Variants in RANBP2 observed in about 807,000 individuals in gnomAD.
RANBP2 encodes RAN binding protein 2, also known as E3 SUMO-protein ligase RanBP2.
In RANBP2, 57 loss-of-function variants were observed where a neutral mutation model predicts 303.6. The observed-to-expected ratio is 0.19, with a 90% CI of 0.15 to 0.23. The LOEUF is 0.23. Among genes scored for constraint, RANBP2 ranks in the 10% least tolerant of loss-of-function variants. The probability of loss-of-function intolerance (pLI) is 1.00; values close to 1 mark genes in which losing one functional copy is unlikely to be tolerated. For missense variants in RANBP2, 3,138 were observed against 3,780.8 expected (o/e 0.83, Z 4.46); for synonymous variants, 1,167 against 1,301.5 (o/e 0.90, Z 2.23).
the RANBP2 span, among the ~76,000 whole-genome samples, chr2:109,687,480 G>A: frequency 2.6e-4 from 40 of 152,254 alleles, 1 homozygote; most frequent in South Asian, 7.9e-3. Flanking sequence ...ATGGGCTCTA[G>A]AATGAATTCA....
At chr2:108,793,659 C>G in the RANBP2 span, among the ~76,000 whole-genome samples, 3 of 151,476 alleles carry the variant, frequency 2.0e-5, no homozygotes, top group East Asian at 2.0e-4. Context: ...TGCAGTAGCG[C>G]GATCTGGGCT....
chr2:109,090,031 C>T, the RANBP2 span, among the ~76,000 whole-genome samples: 27 of 152,118 alleles, frequency 1.8e-4, no homozygotes, highest in South Asian at 2.9e-3. Context: ...CAAACTGTTG[C>T]CCTCTCATAA....
At chr2:109,133,532 T>C in the RANBP2 span, among the ~76,000 whole-genome samples, 2 of 152,214 alleles carry the variant, frequency 1.3e-5, no homozygotes, top group Non-Finnish European at 2.9e-5. Flanking sequence ...AGTCACCTTT[T>C]ATGATTTTCT....
chr2:108,946,247 G>A, the RANBP2 span, among the ~76,000 whole-genome samples: 2 of 152,152 alleles, frequency 1.3e-5, no homozygotes, highest in Admixed American at 6.5e-5. Context: ...TTTATCACAG[G>A]CTCTTCAGAT....
At chr2:109,107,224 CT>C in the RANBP2 span, among the ~76,000 whole-genome samples, 31,524 of 140,900 alleles carry the variant, frequency 0.22, 4,611 homozygotes, top group East Asian at 0.64. Context: ...CGCACCCAGC[CT>C]TTTTTTTTTT....
chr2:109,342,273 T>C, the RANBP2 span, among the ~76,000 whole-genome samples: 1 of 152,238 alleles, frequency 6.6e-6, no homozygotes, highest in African/African-American at 2.4e-5. Flanking sequence ...GTGAATCTCA[T>C]ATTTTGGGAA....
chr2:109,322,438 T>C, the RANBP2 span, among the ~76,000 whole-genome samples: 4 of 152,180 alleles, frequency 2.6e-5, no homozygotes, highest in East Asian at 7.7e-4. Context: ...GTGAGTTGTC[T>C]TTGCCTGAGA....
At chr2:109,058,102 C>T in the RANBP2 span, among the ~76,000 whole-genome samples, 2 of 152,210 alleles carry the variant, frequency 1.3e-5, no homozygotes, top group South Asian at 2.1e-4. Context: ...GTGGAAGCCA[C>T]GAGGTCCATC....
the RANBP2 span, among the ~76,000 whole-genome samples, chr2:109,454,535 C>T: frequency 6.6e-6 from 1 of 152,220 alleles, no homozygotes; most frequent in African/African-American, 2.4e-5. Flanking sequence ...CCGCCGGCTG[C>T]CTGACTTCTG....
chr2:109,637,596 A>G, the RANBP2 span, among the ~76,000 whole-genome samples: 1 of 152,170 alleles, frequency 6.6e-6, no homozygotes, highest in African/African-American at 2.4e-5. Context: ...GACTTTTACC[A>G]AGTATACTGC....
At chr2:108,941,575 G>A in the RANBP2 span, among the ~76,000 whole-genome samples, 1 of 152,286 alleles carries the variant, frequency 6.6e-6, no homozygotes, top group African/African-American at 2.4e-5. Context: ...GCACCAGCTG[G>A]GGGCATGGCC....
At chr2:109,606,244 G>A in the RANBP2 span, among the ~76,000 whole-genome samples, 1 of 151,998 alleles carries the variant, frequency 6.6e-6, no homozygotes, top group Non-Finnish European at 1.5e-5. Context: ...GTGAAACCCC[G>A]CTTCTACTAG....
At chr2:109,126,998 A>T in the RANBP2 span, among the ~76,000 whole-genome samples, 9 of 152,198 alleles carry the variant, frequency 5.9e-5, no homozygotes, top group Non-Finnish European at 1.3e-4. Flanking sequence ...TAAGAGTGAA[A>T]GGTGGCTCAT....
At chr2:109,544,648 TG>T in the RANBP2 span, 1 of 925,314 alleles carries the variant, frequency 1.1e-6, no homozygotes, top group African/African-American at 1.8e-5. Context: ...TGGGTTAAGA[TG>T]AAAGGAAAAA....
the RANBP2 span, among the ~76,000 whole-genome samples, chr2:109,551,223 T>C: frequency 3.3e-5 from 5 of 152,236 alleles, no homozygotes; most frequent in East Asian, 9.6e-4. Flanking sequence ...TTTACAAAGC[T>C]ACATATAGAA....
the RANBP2 span, chr2:108,929,457 C>A: frequency 6.8e-7 from 1 of 1,464,768 alleles, no homozygotes. Flanking sequence ...AGTCCTTGGG[C>A]AGTGACGTGC....
At chr2:109,311,990 G>T in the RANBP2 span, among the ~76,000 whole-genome samples, 3 of 151,908 alleles carry the variant, frequency 2.0e-5, no homozygotes, top group East Asian at 5.8e-4. Flanking sequence ...GGTGAGGTCG[G>T]CTGCTGCTGG....
chr2:108,932,548 A>AAAAAG, the RANBP2 span, among the ~76,000 whole-genome samples: 5 of 151,234 alleles, frequency 3.3e-5, no homozygotes, highest in African/African-American at 1.2e-4. Flanking sequence ...AAAAAAAAAA[A>AAAAAG]AAAAGAAAGA....
chr2:109,269,180 C>T, the RANBP2 span, among the ~76,000 whole-genome samples: 1 of 152,240 alleles, frequency 6.6e-6, no homozygotes, highest in Non-Finnish European at 1.5e-5. Flanking sequence ...GGACCACAGG[C>T]TGAGATTCCT....
Sources: allele counts gnomAD v4.1 joint callset (sites outside exome capture counted in the v4.1 genomes callset), GRCh38; gene constraint gnomAD v4.1.1; transcripts MANE v1.5; gene names NCBI Gene and HGNC (gene_info 2026-07-23, HGNC 2026-07-21).